Variants in TMEM154 observed in about 807,000 individuals in gnomAD.
TMEM154 encodes transmembrane protein 154.
In TMEM154, 27 loss-of-function variants were observed where a neutral mutation model predicts 24.5. That is an observed-to-expected ratio of 1.10 (90% CI 0.81 to 1.52). The LOEUF (loss-of-function observed/expected upper bound fraction) is 1.52, where lower values mean the gene tolerates loss of function less well. TMEM154 is among the 40% of genes most tolerant of loss of function. TMEM154 has a pLI of 0.00. For synonymous variants in TMEM154, 67 were observed against 76.8 expected (o/e 0.87, Z 0.67); for missense variants, 228 against 213.4 (o/e 1.07, Z -0.43).
intron 1 of TMEM154, among the ~76,000 whole-genome samples, chr4:152,657,997 C>A (rs1235808931): frequency 1.3e-5 from 2 of 152,026 alleles, no homozygotes; most frequent in East Asian, 1.9e-4. Context: ...CACTGAGAAG[C>A]AAAAGAACAA....
intron 4 of TMEM154, 82 bp from the exon 5 acceptor site, chr4:152,643,255 T>C: frequency 9.2e-7 from 1 of 1,085,240 alleles, no homozygotes; most frequent in South Asian, 1.4e-5. Context: ...AGAATGCTGA[T>C]CCTGAGGAAG....
rs191335686 is a variant in TMEM154, at chr4:152,642,731, A to T, written c.478+357T>A. On this transcript the variant is annotated intron_variant, in intron 5 of 6. Coordinates refer to ENST00000304385, the MANE Select transcript of TMEM154 (RefSeq NM_152680.3). ...TGGATACTACATTTGATAAAGTTTT[A>T]TATCCATAGTCAGTTTAAAATTGTA... Among the ~76,000 whole-genome samples the T allele has an allele frequency of 2.3e-3, 344 of 152,336 alleles. 1 individual carries two copies. The highest frequency in any genetic ancestry group is 8.0e-3 in the African/African-American group (334 of 41,580).
At chr4:152,656,699 A>G (rs924660781) in intron 1 of TMEM154, among the ~76,000 whole-genome samples, 28 of 152,062 alleles carry the variant, frequency 1.8e-4, no homozygotes, top group Non-Finnish European at 2.1e-4. Context: ...AGGCAGGTGG[A>G]TCACCTGAGG....
chr4:152,669,973 T>C (rs1728794028), intron 1 of TMEM154: 2 of 152,218 alleles, frequency 1.3e-5, no homozygotes, highest in South Asian at 4.1e-4. Flanking sequence ...ATGAGTTTTA[T>C]GTTACACAAA....
intron 6 of TMEM154, among the ~76,000 whole-genome samples, chr4:152,637,276 T>A (rs1053844730): frequency 9.9e-5 from 15 of 152,210 alleles, no homozygotes; most frequent in African/African-American, 3.6e-4. Flanking sequence ...CCGGGTGCGG[T>A]GTCTCACGCC....
chr4:152,672,036 C>T (rs1409224454), intron 1 of TMEM154, among the ~76,000 whole-genome samples: 2 of 145,498 alleles, frequency 1.4e-5, no homozygotes, highest in Non-Finnish European at 3.0e-5. Flanking sequence ...GGGAGGACGG[C>T]TTGAGCCCAA....
chr4:152,646,041 T>C (rs1415153092), intron 3 of TMEM154, among the ~76,000 whole-genome samples: 2 of 151,952 alleles, frequency 1.3e-5, no homozygotes, highest in Non-Finnish European at 2.9e-5. Context: ...GGAATTTTAA[T>C]ATAAATAAAG....
intron 1 of TMEM154, among the ~76,000 whole-genome samples, chr4:152,658,404 A>G (rs1255115518): frequency 1.3e-5 from 2 of 152,192 alleles, no homozygotes; most frequent in African/African-American, 4.8e-5. Flanking sequence ...AGCAAATCAA[A>G]CCCAAAATTA....
chr4:152,631,228 C>G (rs773262806), intron 6 of TMEM154, among the ~76,000 whole-genome samples: 4 of 152,174 alleles, frequency 2.6e-5, no homozygotes, highest in Non-Finnish European at 4.4e-5. Context: ...CTTTAGGGAA[C>G]TATCCTTTTC....
chr4:152,671,014 C>A (rs1161767289), intron 1 of TMEM154, among the ~76,000 whole-genome samples: 2 of 152,086 alleles, frequency 1.3e-5, no homozygotes, highest in Non-Finnish European at 2.9e-5. Flanking sequence ...CTCATGAGTA[C>A]ATGGGAGAGG....
At chr4:152,645,552 T>C (rs767063209) in intron 3 of TMEM154, among the ~76,000 whole-genome samples, 82 of 152,208 alleles carry the variant, frequency 5.4e-4, no homozygotes, top group Non-Finnish European at 8.2e-4. Flanking sequence ...AGCATAGGCC[T>C]GCTGCACCAT....
At chr4:152,635,397 G>A (rs544286745) in intron 6 of TMEM154, among the ~76,000 whole-genome samples, 8 of 152,272 alleles carry the variant, frequency 5.3e-5, no homozygotes, top group African/African-American at 1.2e-4. Flanking sequence ...TATCAGCTAC[G>A]AACCTGCCAT....
At chr4:152,676,197 ACT>A (rs1728949988) in intron 1 of TMEM154, among the ~76,000 whole-genome samples, 1 of 151,698 alleles carries the variant, frequency 6.6e-6, no homozygotes, top group Non-Finnish European at 1.5e-5. Context: ...TTTTAACCCA[ACT>A]CTCATCATTC....
intron 1 of TMEM154, among the ~76,000 whole-genome samples, chr4:152,678,639 C>T (rs1443665811): frequency 6.6e-6 from 1 of 152,174 alleles, no homozygotes; most frequent in Non-Finnish European, 1.5e-5. Flanking sequence ...CCTTCTTCCA[C>T]CTCTGTTTCT....
intron 3 of TMEM154, 146 bp from the exon 4 acceptor site, chr4:152,644,588 AAAG>A (rs1256396593): frequency 2.0e-5 from 16 of 790,818 alleles, no homozygotes; most frequent in Non-Finnish European, 3.2e-5. Flanking sequence ...ACTTAGAGTC[AAAG>A]AAGTGTGGAT....
At chr4:152,636,300 C>T (rs886615176) in intron 6 of TMEM154, among the ~76,000 whole-genome samples, 1 of 152,206 alleles carries the variant, frequency 6.6e-6, no homozygotes, top group African/African-American at 2.4e-5. Context: ...TGAGGGCAGA[C>T]CCCTCCTAGC....
At chr4:152,628,782 A>G (rs180927790) in intron 6 of TMEM154, among the ~76,000 whole-genome samples, 4,441 of 149,476 alleles carry the variant, frequency 0.03, 81 homozygotes, top group East Asian at 0.049. Flanking sequence ...GACTACAGGC[A>G]CCCACCACCA....
intron 1 of TMEM154, among the ~76,000 whole-genome samples, chr4:152,654,569 G>A (rs1579524797): frequency 6.6e-6 from 1 of 152,298 alleles, no homozygotes; most frequent in Non-Finnish European, 1.5e-5. Context: ...AGGGCTAAGA[G>A]GTGAGGCCTT....
intron 3 of TMEM154, chr4:152,646,559 C>T (rs140013949): frequency 1.0e-3 from 191 of 188,582 alleles, no homozygotes; most frequent in Non-Finnish European, 1.6e-3. Context: ...GCCACCTATT[C>T]CCTTTGCAAC....
Sources: gnomAD v4.1 joint callset for allele counts (sites outside exome capture counted in the v4.1 genomes callset) on GRCh38, gnomAD v4.1.1 for gene constraint, MANE v1.5 for transcripts, NCBI Gene and HGNC (gene_info 2026-07-23, HGNC 2026-07-21) for gene names.